PPARA: variants seen among roughly 807,000 people sequenced by gnomAD.
The protein encoded by PPARA is peroxisome proliferator activated receptor alpha, also known as peroxisome proliferator-activated receptor alpha.
A neutral mutation model predicts 42.2 loss-of-function variants in PPARA; 22 were observed. The ratio of observed to expected loss-of-function variants is 0.52; its 90% CI spans 0.37 to 0.74. The LOEUF (loss-of-function observed/expected upper bound fraction) is 0.74, where lower values mean the gene tolerates loss of function less well. Among genes scored for constraint, PPARA ranks in the 30% least tolerant of loss-of-function variants. PPARA has a pLI of 0.00. For missense variants in PPARA, 465 were observed against 608.2 expected, an observed-to-expected ratio of 0.76 and a Z score of 2.48; for synonymous variants, 242 against 239.3, an observed-to-expected ratio of 1.01 and a Z score of -0.10.
intron 7 of PPARA, chr22:46,220,389 A>C (rs1281295939): frequency 1.2e-5 from 4 of 328,914 alleles, no homozygotes; most frequent in Non-Finnish European, 2.3e-5. Context: ...ATCATAGTTC[A>C]CTGCAGCCTT....
intron 4 of PPARA, among the ~76,000 whole-genome samples, chr22:46,210,008 G>C (rs553528415): frequency 6.6e-6 from 1 of 152,062 alleles, no homozygotes; most frequent in African/African-American, 2.4e-5. Flanking sequence ...GCCTCCCAAC[G>C]TGTTGGGATT....
chr22:46,179,668 G>C (rs1417949392), intron 3 of PPARA, among the ~76,000 whole-genome samples: 1 of 151,684 alleles, frequency 6.6e-6, no homozygotes, highest in Non-Finnish European at 1.5e-5. Context: ...AGATTTCATA[G>C]ATATGACACC....
At position 46,192,865 on chromosome 22, in the gene PPARA, T is replaced by A. The variant is rs1156841546; in HGVS notation, c.-42-5477T>A. ...CTGGAGATCATTATGTTAAGTGAAA[T>A]AATCCAGGCACAGAAAGACAAACTT... On this transcript the variant is annotated intron_variant, in intron 3 of 8. Coordinates refer to ENST00000407236, the MANE Select transcript of PPARA (RefSeq NM_005036.6). This position sits in a 1 kb window ranked among gnomAD's most constrained non-coding sequence, Gnocchi z 4.3. Among the ~76,000 whole-genome samples, 1 of 152,160 alleles carries A rather than the reference T, an allele frequency of 6.6e-6. No homozygotes were observed. Among genetic ancestry groups the A allele is most frequent in the Non-Finnish European group, 1.5e-5 (1 of 68,034 alleles).
chr22:46,201,754 G>A (rs1487955305), intron 4 of PPARA, among the ~76,000 whole-genome samples: 1 of 152,134 alleles, frequency 6.6e-6, no homozygotes, highest in Non-Finnish European at 1.5e-5. Context: ...GAGATCACCA[G>A]CCCAGAACCC....
rs764991770 is a variant in PPARA, at chr22:46,198,333, T to A, written c.-42-9T>A. On this transcript the variant is annotated splice_polypyrimidine_tract_variant and intron_variant, in intron 3 of 8. Transcript: ENST00000407236. ...GTCAGTCTTACCAATTGTTCCTCTTTCCTCCCAGTAGCTTGGAGCTCGGCG... is the reference window on the plus strand; with the variant it reads ...GTCAGTCTTACCAATTGTTCCTCTTACCTCCCAGTAGCTTGGAGCTCGGCG... The A allele has an allele frequency of 6.6e-7, 1 of 1,518,040 alleles. No homozygotes were observed. Among genetic ancestry groups the A allele is most frequent in the Admixed American group, 1.7e-5 (1 of 59,848 alleles). The allele number at this position is 1,518,040 out of a possible 1,614,324, so 94.0% of individuals were successfully genotyped here. A position where few individuals can be genotyped will look rare whatever the true frequency, so the allele number is the denominator to read the frequency against.
At chr22:46,181,144 G>C (rs761976850) in intron 3 of PPARA, among the ~76,000 whole-genome samples, 8 of 152,176 alleles carry the variant, frequency 5.3e-5, no homozygotes, top group Non-Finnish European at 1.2e-4. Flanking sequence ...GGACACGAGA[G>C]TGGCTCACTA....
In PPARA at chr22:46,236,660, T is replaced by C. The variant is rs1435149934; in HGVS notation, c.*1280T>C. The C allele has an allele frequency of 2.0e-5, 3 of 152,654 alleles. No individual in the cohort carries two copies. Among genetic ancestry groups the C allele is most frequent in the African/African-American group, 7.2e-5 (3 of 41,454 alleles). The allele number at this position is 152,654 out of a possible 1,614,324, so 9.5% of individuals were successfully genotyped here. ...TATGATGTTTTATTGTTTTAACTCT[T>C]GGTGACAGTAGATGCTCTCTGGAGC... On this transcript the variant is annotated 3_prime_UTR_variant, in exon 9 of 9. Coordinates refer to ENST00000407236, the MANE Select transcript of PPARA (RefSeq NM_005036.6). This position sits in a 1 kb window ranked among gnomAD's most constrained non-coding sequence, Gnocchi z 5.2.
Position 46,162,388 on chromosome 22 carries a change from G to A in PPARA, c.-127+10418G>A, listed in dbSNP as rs1434312277. ...ACACAAACCCCTTCTGGTTCTTCTC[G>A]TGCACTGGGCGTGCCGGAGACACAC... On this transcript the variant is annotated intron_variant, in intron 2 of 8. Transcript: ENST00000407236. This position sits in a 1 kb window ranked among gnomAD's most constrained non-coding sequence, Gnocchi z 6.0. Among the ~76,000 whole-genome samples, 2 of 152,182 alleles carry A rather than the reference G, an allele frequency of 1.3e-5. No homozygotes were observed. Among genetic ancestry groups the A allele is most frequent in the East Asian group, 1.9e-4 (1 of 5,176 alleles).
rs1039556835 is a variant in PPARA, at chr22:46,242,900, G to C, written c.*7520G>C. The C allele has an allele frequency of 3.3e-5, 5 of 152,660 alleles. No individual in the cohort carries two copies. The highest frequency in any genetic ancestry group is 7.3e-5 in the Non-Finnish European group (5 of 68,054). The allele number at this position is 152,660 out of a possible 1,614,324, so 9.5% of individuals were successfully genotyped here. On this transcript the variant is annotated 3_prime_UTR_variant, in exon 9 of 9. Coordinates refer to ENST00000407236, the MANE Select transcript of PPARA (RefSeq NM_005036.6). The surrounding 1 kb of genome is among the most constrained non-coding windows in gnomAD (Gnocchi z 6.1). ...CAGCGAGGCCTTAGACTCCGTATTA[G>C]AGGCCACCGATTTCATACAACAGTG...
At chr22:46,172,799 C>T (rs548530045) in intron 2 of PPARA, among the ~76,000 whole-genome samples, 1 of 152,300 alleles carries the variant, frequency 6.6e-6, no homozygotes, top group East Asian at 1.9e-4. Context: ...AGGGTGGCCA[C>T]AGGGCTTGTT....
rs943344203 is a variant in PPARA at position 46,162,442 on chromosome 22, C to G, written c.-127+10472C>G. Among the ~76,000 whole-genome samples, 1 of 152,214 alleles carries G rather than the reference C, an allele frequency of 6.6e-6. No homozygotes were observed. The highest frequency in any genetic ancestry group is 1.5e-5 in the Non-Finnish European group (1 of 68,044). The stretch of plus-strand genomic sequence containing the variant: ...CTTACCCTCATACCCCGCCGCACCC[C>G]TGTGACCTCTACCTTTGAGACCTCA... On this transcript the variant is annotated intron_variant, in intron 2 of 8. Transcript: ENST00000407236. The surrounding 1 kb of genome is among the most constrained non-coding windows in gnomAD (Gnocchi z 6.0).
At chr22:46,215,939 C>T (rs1483132573) in intron 5 of PPARA, among the ~76,000 whole-genome samples, 1 of 151,982 alleles carries the variant, frequency 6.6e-6, no homozygotes, top group Non-Finnish European at 1.5e-5. Context: ...TGAAACTATC[C>T]CTCCCCACCC....
At chr22:46,215,091 G>T in intron 4 of PPARA, 82 bp from the exon 5 acceptor site, 5 of 1,549,736 alleles carry the variant, frequency 3.2e-6, no homozygotes, top group South Asian at 2.3e-5. Context: ...CCTCGTATGC[G>T]AAATCACATC....
chr22:46,185,919 ATATATATATATATATATAT>A (rs1930689972), intron 3 of PPARA, among the ~76,000 whole-genome samples: 3 of 9,782 alleles, frequency 3.1e-4, no homozygotes, highest in African/African-American at 1.1e-3. Flanking sequence ...AAAAAAAAAT[ATATATATATATATATATAT>A]ATATATATAT....
chr22:46,193,173 C>A lies in PPARA; in HGVS notation c.-42-5169C>A, dbSNP rs545481495. On this transcript the variant is annotated intron_variant, in intron 3 of 8. Transcript: ENST00000407236. This position sits in a 1 kb window ranked among gnomAD's most constrained non-coding sequence, Gnocchi z 5.3. ...CCTCCACCTCCTGGGTTCAAGCGATCCTCCTGCCTCAGCCTCCCAAATAGC... is the reference window on the plus strand; with the variant it reads ...CCTCCACCTCCTGGGTTCAAGCGATACTCCTGCCTCAGCCTCCCAAATAGC... 2.0e-5 allele frequency among the ~76,000 whole-genome samples: 3 copies of A among 152,224 alleles called. No individual in the cohort carries two copies. In the East Asian group the frequency reaches 5.8e-4, roughly 29 times the overall value.
chr22:46,205,537 TA>T (rs1569226058), intron 4 of PPARA, among the ~76,000 whole-genome samples: 84 of 35,100 alleles, frequency 2.4e-3, no homozygotes, highest in African/African-American at 3.1e-3. Context: ...TATATATATA[TA>T]TATATATATA....
chr22:46,172,003 A>G (rs1038066022), intron 2 of PPARA, among the ~76,000 whole-genome samples: 20 of 152,246 alleles, frequency 1.3e-4, no homozygotes, highest in Non-Finnish European at 2.2e-4. Flanking sequence ...GAAAGGCTCC[A>G]CCGCGTTGGG....
In PPARA at chr22:46,225,772, C is replaced by T. The variant is rs1569246550; in HGVS notation, c.711+5758C>T. 2.3e-5 allele frequency among the ~76,000 whole-genome samples: 3 copies of T among 131,636 alleles called. No individual in the cohort carries two copies. Among genetic ancestry groups the T allele is most frequent in the Admixed American group, 7.0e-5 (1 of 14,358 alleles). The allele number at this position is 131,636 out of a possible 152,430, so 86.4% of individuals were successfully genotyped here. On this transcript the variant is annotated intron_variant, in intron 7 of 8. Transcript: ENST00000407236. The surrounding 1 kb of genome is among the most constrained non-coding windows in gnomAD (Gnocchi z 4.1). Reference sequence around the variant, plus strand: ...ACACACTCACACATCCATGCATGCACGTGTAAACACACACACCCCCACACA... The same window carrying T: ...ACACACTCACACATCCATGCATGCATGTGTAAACACACACACCCCCACACA...
Position 46,235,002 on chromosome 22 carries a change from C to A in PPARA, c.1160-131C>A. 1 of 1,274,320 alleles carries A rather than the reference C, an allele frequency of 7.8e-7. No homozygotes were observed. The highest frequency in any genetic ancestry group is 1.1e-6 in the Non-Finnish European group (1 of 884,990). 78.9% of individuals were successfully genotyped at this position (1,274,320 alleles called of 1,614,324 possible). A position where few individuals can be genotyped will look rare whatever the true frequency, so the allele number is the denominator to read the frequency against. On this transcript the variant is annotated intron_variant, in intron 8 of 8. Coordinates refer to ENST00000407236, the MANE Select transcript of PPARA (RefSeq NM_005036.6). This position sits in a 1 kb window ranked among gnomAD's most constrained non-coding sequence, Gnocchi z 7.0. ...TATGTCTATCTTCCAGTCAAGTTGACAATATCTAAAGGCAGCTCAGTTTTT... is the reference window on the plus strand; with the variant it reads ...TATGTCTATCTTCCAGTCAAGTTGAAAATATCTAAAGGCAGCTCAGTTTTT...
Sources: gnomAD v4.1 joint callset for allele counts (sites outside exome capture counted in the v4.1 genomes callset) on GRCh38, gnomAD v4.1.1 for gene constraint, Gnocchi (gnomAD v3.1) non-coding constraint, MANE v1.5 for transcripts, NCBI Gene and HGNC (gene_info 2026-07-23, HGNC 2026-07-21) for gene names.